VSTM4: variants seen among roughly 807,000 people sequenced by gnomAD.
VSTM4 encodes the protein V-set and transmembrane domain-containing protein 4.
In VSTM4, 20 loss-of-function variants were observed where a neutral mutation model predicts 36.4. The ratio of observed to expected loss-of-function variants is 0.55; its 90% confidence interval spans 0.39 to 0.80. The LOEUF is 0.80. Among genes scored for constraint, VSTM4 ranks in the 30% least tolerant of loss-of-function variants. The pLI is 0.00. For synonymous variants in VSTM4, 182 were observed against 173.9 expected (o/e 1.05, Z -0.37); for missense variants, 392 against 404.5 (o/e 0.97, Z 0.26).
intron 5 of VSTM4, among the ~76,000 whole-genome samples, chr10:49,048,970 T>C (rs1843657066): frequency 6.6e-6 from 1 of 152,210 alleles, no homozygotes. Context: ...AGTGGGGTAT[T>C]ATTTATGCCA....
At chr10:49,105,865 T>C (rs1214963042) in intron 2 of VSTM4, among the ~76,000 whole-genome samples, 1 of 152,066 alleles carries the variant, frequency 6.6e-6, no homozygotes, top group Non-Finnish European at 1.5e-5. Context: ...ATATCTTGTG[T>C]GTATATATAT....
At chr10:49,034,752 T>C (rs752968697) in intron 7 of VSTM4, among the ~76,000 whole-genome samples, 3 of 152,148 alleles carry the variant, frequency 2.0e-5, no homozygotes, top group African/African-American at 7.2e-5. Flanking sequence ...TGTTTTTCTT[T>C]CTTTCCAAAA....
At chr10:49,088,873 C>T (rs1447021607) in intron 2 of VSTM4, among the ~76,000 whole-genome samples, 2 of 152,220 alleles carry the variant, frequency 1.3e-5, no homozygotes, top group African/African-American at 4.8e-5. Context: ...CAAGGATACC[C>T]ATCATGGTGT....
At chr10:49,029,551 G>A (rs1302471499) in intron 7 of VSTM4, among the ~76,000 whole-genome samples, 3 of 152,200 alleles carry the variant, frequency 2.0e-5, no homozygotes, top group African/African-American at 4.8e-5. Flanking sequence ...CCAGATGCTC[G>A]TGGGCAGTCC....
At chr10:49,099,908 T>A (rs954487482) in intron 2 of VSTM4, among the ~76,000 whole-genome samples, 1 of 151,990 alleles carries the variant, frequency 6.6e-6, no homozygotes, top group Non-Finnish European at 1.5e-5. Context: ...CGCAGCTACT[T>A]GAGAGGCTGA....
intron 5 of VSTM4, among the ~76,000 whole-genome samples, chr10:49,049,976 T>G (rs976706872): frequency 2.0e-5 from 3 of 152,206 alleles, no homozygotes; most frequent in Non-Finnish European, 4.4e-5. Flanking sequence ...TCCTTGCACA[T>G]GTAGGAAATG....
At chr10:49,060,195 T>C (rs543358847) in intron 5 of VSTM4, among the ~76,000 whole-genome samples, 1 of 152,370 alleles carries the variant, frequency 6.6e-6, no homozygotes, top group East Asian at 1.9e-4. Flanking sequence ...TCATGAGATA[T>C]ATGCTTTCAG....
chr10:49,092,788 A>G (rs1054257941), intron 2 of VSTM4, among the ~76,000 whole-genome samples: 3 of 152,206 alleles, frequency 2.0e-5, no homozygotes, highest in Non-Finnish European at 4.4e-5. Context: ...AGACATCGAG[A>G]GGAGCACGTC....
At chr10:49,062,947 T>C (rs1843905966) in intron 5 of VSTM4, among the ~76,000 whole-genome samples, 1 of 152,292 alleles carries the variant, frequency 6.6e-6, no homozygotes, top group Non-Finnish European at 1.5e-5. Context: ...AATTTCCATA[T>C]GTTTGTTTTT....
intron 4 of VSTM4, among the ~76,000 whole-genome samples, chr10:49,071,558 CA>C (rs1564582621): frequency 6.6e-5 from 10 of 152,348 alleles, no homozygotes; most frequent in African/African-American, 2.4e-4. Context: ...AGAGGCAAAG[CA>C]GTGCCAGGCT....
At chr10:49,049,650 G>A (rs756449327) in intron 5 of VSTM4, among the ~76,000 whole-genome samples, 55 of 152,048 alleles carry the variant, frequency 3.6e-4, no homozygotes, top group Non-Finnish European at 7.4e-5. Context: ...ATAAAAGAAG[G>A]TTGGAAACAG....
chr10:49,038,819 C>T (rs1452642258), intron 7 of VSTM4, among the ~76,000 whole-genome samples: 43 of 152,188 alleles, frequency 2.8e-4, no homozygotes, highest in Admixed American at 2.8e-3. Flanking sequence ...GACCAATGGG[C>T]TGCACAGATG....
intron 4 of VSTM4, among the ~76,000 whole-genome samples, chr10:49,076,700 G>A (rs1844185162): frequency 6.6e-6 from 1 of 152,206 alleles, no homozygotes; most frequent in South Asian, 2.1e-4. Flanking sequence ...TGAAGGCAGA[G>A]TGCAGAGAAA....
intron 1 of VSTM4, among the ~76,000 whole-genome samples, chr10:49,110,391 G>A (rs1276665677): frequency 6.6e-6 from 1 of 152,134 alleles, no homozygotes; most frequent in Non-Finnish European, 1.5e-5. Context: ...CCAGGAAAGG[G>A]AAAGGACTAT....
intron 7 of VSTM4, 127 bp from the exon 8 acceptor site, chr10:49,019,902 A>C: frequency 1.8e-5 from 22 of 1,209,562 alleles, no homozygotes; most frequent in Non-Finnish European, 2.3e-5. Context: ...GTGGACAAGA[A>C]ATTTAAGAGG....
intron 7 of VSTM4, among the ~76,000 whole-genome samples, chr10:49,032,649 C>T (rs538773602): frequency 1.3e-5 from 2 of 152,232 alleles, no homozygotes; most frequent in South Asian, 2.1e-4. Flanking sequence ...TCTTTTAGCA[C>T]CCCCACCCCC....
intron 5 of VSTM4, among the ~76,000 whole-genome samples, chr10:49,060,862 C>T (rs537414461): frequency 6.6e-6 from 1 of 152,252 alleles, no homozygotes; most frequent in Non-Finnish European, 1.5e-5. Context: ...ACAAGGGTCT[C>T]AGTTTATGTT....
chr10:49,114,585 GT>G (rs33942311), intron 1 of VSTM4, among the ~76,000 whole-genome samples: 1,827 of 142,310 alleles, frequency 0.013, 39 homozygotes, highest in African/African-American at 0.038. Flanking sequence ...CCAAGTTCAT[GT>G]TTTTTTTTTT....
Position 49,019,490 on chromosome 10 carries a change from G to T in VSTM4, c.*160C>A. The stretch of plus-strand genomic sequence containing the variant: ...GGCCCCGATTCTTTTGGGGAGAGCA[G>T]GCTTGTACCTCTTCAAAGGCACCCA... On this transcript the variant is annotated 3_prime_UTR_variant, in exon 8 of 8. Coordinates refer to ENST00000332853, the MANE Select transcript of VSTM4 (RefSeq NM_001031746.5). 2 of 1,022,848 alleles carry T rather than the reference G, an allele frequency of 2.0e-6. No individual in the cohort carries two copies. Among genetic ancestry groups the T allele is most frequent in the Non-Finnish European group, 2.7e-6 (2 of 749,032 alleles). The allele number at this position is 1,022,848 out of a possible 1,614,324, so 63.4% of individuals were successfully genotyped here.
Sources: allele counts gnomAD v4.1 joint callset (sites outside exome capture counted in the v4.1 genomes callset), GRCh38; gene constraint gnomAD v4.1.1; transcripts MANE v1.5; gene names NCBI Gene and HGNC (gene_info 2026-07-23, HGNC 2026-07-21).